The following TTLL11 variants were observed in gnomAD, a reference collection of about 807,000 sequenced individuals.
TTLL11 encodes tubulin polyglutamylase TTLL11.
A neutral mutation model predicts 51.7 loss-of-function variants in TTLL11; 42 were observed. That is an observed-to-expected ratio of 0.81 (90% CI 0.64 to 1.05). TTLL11 has a LOEUF of 1.05. Among genes scored for constraint, TTLL11 ranks in the 50% least tolerant of loss-of-function variants. The pLI is 0.00. For synonymous variants in TTLL11, 381 were observed against 383.5 expected (o/e 0.99, Z 0.08); for missense variants, 799 against 940.4 (o/e 0.85, Z 1.97).
intron 1 of TTLL11, among the ~76,000 whole-genome samples, chr9:122,065,103 T>C (rs1482093526): frequency 6.6e-6 from 1 of 152,030 alleles, no homozygotes; most frequent in Non-Finnish European, 1.5e-5. Flanking sequence ...AAATAAATAG[T>C]CCCTAGGTCC....
Position 122,093,075 on chromosome 9 carries a change from G to A in TTLL11, c.74C>T (p.Ala25Val), listed in dbSNP as rs1037397586. ...EAEAVAAAKA[A>V]AKAEAEATAE... ...TGTGGCCTCGGCCTCAGCTTTGGCC[G>A]CCGCTTTGGCCGCAGCCACCGCCTC... The change falls in exon 1 of 9, where the codon GCG becomes GTG. Residue 25 changes from alanine (A) to valine (V), a missense_variant. Ala to Val is a moderately conservative substitution (Grantham distance 64, BLOSUM62 0). This residue lies in a region of TTLL11 where 166 missense variants were observed against 161.6 expected (regional missense o/e 1.03). Coordinates refer to ENST00000321582, the MANE Select transcript of TTLL11 (RefSeq NM_001139442.2). 4.0e-6 allele frequency: 6 copies of A among 1,504,692 alleles called. 1 individual carries two copies. The highest frequency in any genetic ancestry group is 1.4e-5 in the African/African-American group (1 of 68,982). The allele number at this position is 1,504,692 out of a possible 1,614,324, so 93.2% of individuals were successfully genotyped here. A position where few individuals can be genotyped will look rare whatever the true frequency, so the allele number is the denominator to read the frequency against.
intron 6 of TTLL11, among the ~76,000 whole-genome samples, chr9:121,938,310 A>C (rs1841309741): frequency 6.7e-6 from 1 of 150,228 alleles, no homozygotes; most frequent in Non-Finnish European, 1.5e-5. Flanking sequence ...AAAAAAAATC[A>C]GGAATATGAC....
intron 6 of TTLL11, among the ~76,000 whole-genome samples, chr9:121,945,912 G>T (rs551214264): frequency 5.3e-5 from 8 of 152,190 alleles, no homozygotes; most frequent in African/African-American, 1.7e-4. Context: ...TCCTGAACAT[G>T]GAGGTAAGAT....
intron 6 of TTLL11, among the ~76,000 whole-genome samples, chr9:121,941,672 T>C (rs750368620): frequency 1.3e-5 from 2 of 152,160 alleles, no homozygotes; most frequent in African/African-American, 4.8e-5. Context: ...CCCTGCCCAG[T>C]GCTTTTGTTC....
intron 6 of TTLL11, among the ~76,000 whole-genome samples, chr9:121,878,325 G>T (rs1324754626): frequency 6.6e-6 from 1 of 152,126 alleles, no homozygotes; most frequent in Non-Finnish European, 1.5e-5. Context: ...TTCTCGGGAG[G>T]GTACCAGTGC....
At chr9:122,064,464 T>A (rs12001132) in intron 1 of TTLL11, among the ~76,000 whole-genome samples, 2,295 of 152,308 alleles carry the variant, frequency 0.015, 52 homozygotes, top group African/African-American at 0.052. Context: ...AAACTAACAT[T>A]TATTAGATGT....
At chr9:122,087,146 C>T (rs1846146349) in intron 1 of TTLL11, among the ~76,000 whole-genome samples, 1 of 152,176 alleles carries the variant, frequency 6.6e-6, no homozygotes, top group Admixed American at 6.5e-5. Context: ...TTGAAGATGA[C>T]AGTGCAGTCT....
chr9:122,010,140 C>G (rs1843755902), intron 3 of TTLL11, among the ~76,000 whole-genome samples: 1 of 152,084 alleles, frequency 6.6e-6, no homozygotes, highest in African/African-American at 2.4e-5. Context: ...GTTAATCTGA[C>G]AGTTCATTCT....
intron 6 of TTLL11, among the ~76,000 whole-genome samples, chr9:121,884,216 C>T (rs1838911637): frequency 6.6e-6 from 1 of 152,170 alleles, no homozygotes; most frequent in Admixed American, 6.5e-5. Flanking sequence ...ATGGCCAGAC[C>T]CACAGGGTCC....
At chr9:121,950,701 G>A (rs992973114) in intron 6 of TTLL11, among the ~76,000 whole-genome samples, 1 of 152,012 alleles carries the variant, frequency 6.6e-6, no homozygotes, top group African/African-American at 2.4e-5. Context: ...GGAAAAGGAG[G>A]GCTGCTGGTT....
At chr9:121,860,964 A>G (rs1255230355) in intron 7 of TTLL11, among the ~76,000 whole-genome samples, 2 of 152,200 alleles carry the variant, frequency 1.3e-5, no homozygotes, top group African/African-American at 4.8e-5. Flanking sequence ...GCATGGAGCC[A>G]TGGTAGAGAA....
chr9:121,996,931 G>A (rs573087971), intron 3 of TTLL11, among the ~76,000 whole-genome samples: 6 of 152,298 alleles, frequency 3.9e-5, no homozygotes, highest in South Asian at 4.1e-4. Flanking sequence ...GCTAGAAGGC[G>A]GAAGTAAAGC....
At chr9:121,823,303 T>G (rs562167850) in intron 8 of TTLL11, among the ~76,000 whole-genome samples, 14 of 152,312 alleles carry the variant, frequency 9.2e-5, no homozygotes, top group African/African-American at 3.4e-4. Context: ...CCCAGCACTT[T>G]GGGAGGCCGA....
chr9:121,934,455 GAAGCTGT>G (rs774596430), intron 6 of TTLL11, among the ~76,000 whole-genome samples: 1 of 152,164 alleles, frequency 6.6e-6, no homozygotes, highest in Non-Finnish European at 1.5e-5. Flanking sequence ...TAAATATCGT[GAAGCTGT>G]CAAGCTCATG....
chr9:122,093,231 C>A lies in TTLL11; in HGVS notation c.-83G>T. 6.7e-7 allele frequency: 1 copy of A among 1,489,194 alleles called. No individual in the cohort carries two copies. Among genetic ancestry groups the A allele is most frequent in the Non-Finnish European group, 8.8e-7 (1 of 1,130,714 alleles). The allele number at this position is 1,489,194 out of a possible 1,614,324, so 92.2% of individuals were successfully genotyped here. On this transcript the variant is annotated 5_prime_UTR_variant, in exon 1 of 9. Transcript: ENST00000321582. ...GCCCCAGTCCGCCACCAAACTGCCGCCGCTGCAGCCGCTGCCACGCGTTCC... is the reference window on the plus strand; with the variant it reads ...GCCCCAGTCCGCCACCAAACTGCCGACGCTGCAGCCGCTGCCACGCGTTCC...
chr9:121,832,574 C>T (rs1198021141), intron 8 of TTLL11, among the ~76,000 whole-genome samples: 1 of 152,150 alleles, frequency 6.6e-6, no homozygotes, highest in Non-Finnish European at 1.5e-5. Flanking sequence ...TTGCCACAAT[C>T]GCATGGCTGG....
At chr9:121,970,750 G>A (rs1180208338) in intron 6 of TTLL11, among the ~76,000 whole-genome samples, 1 of 152,220 alleles carries the variant, frequency 6.6e-6, no homozygotes, top group Non-Finnish European at 1.5e-5. Context: ...CACTGTTGGT[G>A]GGAGTGTAAA....
At chr9:121,844,797 A>G (rs1837466448) in intron 8 of TTLL11, among the ~76,000 whole-genome samples, 1 of 151,636 alleles carries the variant, frequency 6.6e-6, no homozygotes, top group Non-Finnish European at 1.5e-5. Context: ...AGATATGTCA[A>G]TAGGAATGTC....
intron 6 of TTLL11, among the ~76,000 whole-genome samples, chr9:121,968,679 C>G (rs1000092212): frequency 6.6e-6 from 1 of 152,046 alleles, no homozygotes; most frequent in Non-Finnish European, 1.5e-5. Flanking sequence ...GCCTCAGCCT[C>G]CCGAGTAGCT....
Sources: allele counts gnomAD v4.1 joint callset (sites outside exome capture counted in the v4.1 genomes callset), GRCh38; gene constraint gnomAD v4.1.1; regional missense constraint gnomAD v4.1.1; transcripts MANE v1.5; gene names NCBI Gene and HGNC (gene_info 2026-07-23, HGNC 2026-07-21).